TDRD5: variants seen among roughly 807,000 people sequenced by gnomAD.
TDRD5 encodes tudor domain containing 5.
Under a neutral mutation model 120.6 loss-of-function variants are expected in TDRD5, and 41 were observed. The ratio of observed to expected loss-of-function variants is 0.34; its 90% CI spans 0.26 to 0.44. TDRD5 has a LOEUF of 0.44. Ranked by LOEUF, TDRD5 falls within the 20% of genes least tolerant of loss-of-function variation. TDRD5 has a pLI of 1.00. For synonymous variants in TDRD5, 430 were observed against 433.7 expected (o/e 0.99, Z 0.11); for missense variants, 1,006 against 1,221.2 (o/e 0.82, Z 2.63).
intron 9 of TDRD5, 142 bp from the exon 10 acceptor site, chr1:179,639,697 T>C (rs1350007938): frequency 6.7e-6 from 5 of 743,152 alleles, no homozygotes; most frequent in Non-Finnish European, 1.1e-5. Flanking sequence ...AATTAATTGG[T>C]ATTAATGAGC....
intron 14 of TDRD5, among the ~76,000 whole-genome samples, chr1:179,656,030 G>A (rs1291377870): frequency 6.6e-6 from 1 of 152,166 alleles, no homozygotes; most frequent in African/African-American, 2.4e-5. Context: ...TTTTTCCAGA[G>A]TGGCTGTACC....
intron 17 of TDRD5, among the ~76,000 whole-genome samples, chr1:179,669,642 G>C (rs1375910631): frequency 6.6e-6 from 1 of 152,062 alleles, no homozygotes; most frequent in East Asian, 1.9e-4. Context: ...CATTTATATA[G>C]AGTAAAATTT....
chr1:179,660,079 T>C (rs1039021935), intron 14 of TDRD5, among the ~76,000 whole-genome samples: 28 of 152,154 alleles, frequency 1.8e-4, no homozygotes, highest in African/African-American at 6.5e-4. Flanking sequence ...TGTGATTATA[T>C]ATATGTTTTT....
chr1:179,598,663 A>G (rs1208274387), intron 4 of TDRD5, among the ~76,000 whole-genome samples: 3 of 150,056 alleles, frequency 2.0e-5, no homozygotes, highest in Non-Finnish European at 4.5e-5. Context: ...TTGCTAATAG[A>G]AAATCAATTG....
At chr1:179,675,310 C>G (rs1680088831) in intron 17 of TDRD5, among the ~76,000 whole-genome samples, 1 of 114,924 alleles carries the variant, frequency 8.7e-6, no homozygotes, top group Non-Finnish European at 1.7e-5. Context: ...GACGGAGTCT[C>G]ACTCTTTCGC....
intron 17 of TDRD5, among the ~76,000 whole-genome samples, 162 bp from the exon 18 acceptor site, chr1:179,690,534 A>G (rs917680630): frequency 6.6e-6 from 1 of 152,128 alleles, no homozygotes; most frequent in Non-Finnish European, 1.5e-5. Flanking sequence ...CCATTTGTTG[A>G]CTGGTTTCTA....
At chr1:179,630,629 A>G in intron 6 of TDRD5, 138 bp from the exon 7 acceptor site, 4 of 795,656 alleles carry the variant, frequency 5.0e-6, no homozygotes, top group Non-Finnish European at 7.5e-6. Flanking sequence ...TTATGCTGGT[A>G]TGGAAGTGAG....
rs373999241 is a variant in TDRD5, at chr1:179,592,579, C to T, written c.-14-23C>T. On this transcript the variant is annotated intron_variant, in intron 1 of 17. Transcript: ENST00000444136. ...TTTTTCGTGGGTTTGCCCCCTTTTC[C>T]TCAGCTGCGTTTCTGTCTTCAGTCC... 72 of 1,593,502 alleles carry T rather than the reference C, an allele frequency of 4.5e-5. No individual in the cohort carries two copies. In the African/African-American group the frequency reaches 8.7e-4, roughly 19 times the overall value.
intron 6 of TDRD5, among the ~76,000 whole-genome samples, chr1:179,623,135 C>T (rs6425580): frequency 0.3 from 45,376 of 151,902 alleles, 7,777 homozygotes; most frequent in Admixed American, 0.4. Context: ...ATTTTATATC[C>T]AGTGATAATA....
intron 6 of TDRD5, 85 bp from the exon 7 acceptor site, chr1:179,630,682 T>C: frequency 7.2e-7 from 1 of 1,393,056 alleles, no homozygotes; most frequent in Non-Finnish European, 9.7e-7. Flanking sequence ...CTTTAAGATT[T>C]AGTTTGGTTG....
chr1:179,659,297 G>A (rs6692069), intron 14 of TDRD5, among the ~76,000 whole-genome samples: 51,315 of 151,908 alleles, frequency 0.34, 8,884 homozygotes, highest in Admixed American at 0.42. Context: ...GCTATCTACC[G>A]ATTTTGTTGA....
chr1:179,608,161 T>C (rs1326977333), intron 4 of TDRD5, among the ~76,000 whole-genome samples: 2 of 152,096 alleles, frequency 1.3e-5, no homozygotes, highest in East Asian at 1.9e-4. Context: ...ATAATTCTTA[T>C]CTTTGTTCTG....
At chr1:179,656,041 A>G (rs1171898149) in intron 14 of TDRD5, among the ~76,000 whole-genome samples, 1 of 152,188 alleles carries the variant, frequency 6.6e-6, no homozygotes, top group Non-Finnish European at 1.5e-5. Flanking sequence ...TGGCTGTACC[A>G]TTTTGAATTT....
chr1:179,641,493 G>C (rs1179500412), intron 11 of TDRD5, among the ~76,000 whole-genome samples: 1 of 151,518 alleles, frequency 6.6e-6, no homozygotes, highest in African/African-American at 2.4e-5. Flanking sequence ...TTGCGCCGCT[G>C]CACTCCAGCC....
chr1:179,675,929 T>C (rs1411582533), intron 17 of TDRD5, among the ~76,000 whole-genome samples: 1 of 152,212 alleles, frequency 6.6e-6, no homozygotes, highest in African/African-American at 2.4e-5. Context: ...ACTTTCTGTC[T>C]AGTGCTGTCA....
intron 14 of TDRD5, among the ~76,000 whole-genome samples, chr1:179,659,406 A>G (rs1679165292): frequency 6.6e-6 from 1 of 151,960 alleles, no homozygotes; most frequent in African/African-American, 2.4e-5. Flanking sequence ...TTGAAGCTCT[A>G]TTGTTAGGTG....
At chr1:179,597,388 A>G (rs1235677944) in intron 4 of TDRD5, among the ~76,000 whole-genome samples, 2 of 145,380 alleles carry the variant, frequency 1.4e-5, no homozygotes, top group South Asian at 2.2e-4. Context: ...CTGGAGTGCA[A>G]TGGTGCGATC....
chr1:179,647,065 A>G (rs1266114912), intron 11 of TDRD5, among the ~76,000 whole-genome samples: 1 of 150,776 alleles, frequency 6.6e-6, no homozygotes, highest in Non-Finnish European at 1.5e-5. Context: ...CCATCAAGCT[A>G]CCAATGACTT....
rs558249827 is a variant in TDRD5, at chr1:179,674,265, A to G, written c.2860+4861A>G. ...GGGTTTAATCATAAAGGGATGCTGG[A>G]TTTTGTCAAATGCTTTTTCTGCATC... is the stretch of plus-strand genomic sequence containing the variant. On this transcript the variant is annotated intron_variant, in intron 17 of 17. Transcript: ENST00000444136. Among the ~76,000 whole-genome samples the G allele has an allele frequency of 3.3e-5, 5 of 152,262 alleles. No homozygotes were observed. In the East Asian group the frequency reaches 9.7e-4, roughly 29 times the overall value.
Sources: gnomAD v4.1 joint callset for allele counts (sites outside exome capture counted in the v4.1 genomes callset) on GRCh38, gnomAD v4.1.1 for gene constraint, MANE v1.5 for transcripts, NCBI Gene and HGNC (gene_info 2026-07-23, HGNC 2026-07-21) for gene names.